ZBTB7C: variants seen among roughly 807,000 people sequenced by gnomAD.
ZBTB7C encodes zinc finger and BTB domain containing 7C.
In ZBTB7C, 8 loss-of-function variants were observed where a neutral mutation model predicts 25.7. The ratio of observed to expected loss-of-function variants is 0.31; its 90% CI spans 0.18 to 0.56. The LOEUF (loss-of-function observed/expected upper bound fraction) is 0.56, where lower values mean the gene tolerates loss of function less well. Ranked by LOEUF, ZBTB7C falls within the 20% of genes least tolerant of loss-of-function variation. ZBTB7C has a pLI of 0.91. For synonymous variants in ZBTB7C, 394 were observed against 369.0 expected (o/e 1.07, Z -0.78); for missense variants, 824 against 855.2 (o/e 0.96, Z 0.46).
intron 3 of ZBTB7C, among the ~76,000 whole-genome samples, chr18:48,158,066 A>G (rs1002231961): frequency 2.6e-5 from 4 of 152,164 alleles, no homozygotes; most frequent in Non-Finnish European, 5.9e-5. Context: ...AAGAAGGAAC[A>G]CACAGGCTGG....
intron 1 of ZBTB7C, among the ~76,000 whole-genome samples, chr18:48,378,100 G>A (rs2047562255): frequency 6.6e-6 from 1 of 152,146 alleles, no homozygotes; most frequent in Non-Finnish European, 1.5e-5. Flanking sequence ...GCAGTGAGCC[G>A]AGATCGCATC....
At chr18:48,240,913 G>A (rs920767528) in intron 2 of ZBTB7C, among the ~76,000 whole-genome samples, 1 of 151,966 alleles carries the variant, frequency 6.6e-6, no homozygotes, top group African/African-American at 2.4e-5. Flanking sequence ...TGGCAGAATG[G>A]GTAAGAATTC....
At chr18:48,208,118 G>A (rs2042622518) in intron 2 of ZBTB7C, among the ~76,000 whole-genome samples, 1 of 152,066 alleles carries the variant, frequency 6.6e-6, no homozygotes, top group African/African-American at 2.4e-5. Flanking sequence ...TATAATGAGG[G>A]TTGAGAGCTG....
chr18:48,113,340 CA>C (rs2144677753), intron 3 of ZBTB7C, among the ~76,000 whole-genome samples: 1 of 152,320 alleles, frequency 6.6e-6, no homozygotes, highest in Admixed American at 6.5e-5. Context: ...CTACCCCCAT[CA>C]CAAGGAAAAA....
chr18:48,389,884 T>G (rs1214544711), intron 1 of ZBTB7C, among the ~76,000 whole-genome samples: 4 of 152,226 alleles, frequency 2.6e-5, no homozygotes, highest in African/African-American at 7.2e-5. Context: ...CTCTCTGAAT[T>G]ATCTATTTGT....
chr18:48,044,717 C>A (rs1392797310), intron 3 of ZBTB7C, among the ~76,000 whole-genome samples: 1 of 152,244 alleles, frequency 6.6e-6, no homozygotes, highest in Non-Finnish European at 1.5e-5. Flanking sequence ...TATAACAGGA[C>A]CCATGAAACG....
At chr18:48,065,650 G>T (rs1459370701) in intron 3 of ZBTB7C, among the ~76,000 whole-genome samples, 1 of 152,224 alleles carries the variant, frequency 6.6e-6, no homozygotes, top group African/African-American at 2.4e-5. Flanking sequence ...CAAAGCCACT[G>T]GTTGGGAAGC....
intron 2 of ZBTB7C, among the ~76,000 whole-genome samples, chr18:48,304,863 A>T (rs981035086): frequency 1.1e-4 from 17 of 150,464 alleles, no homozygotes; most frequent in Non-Finnish European, 2.2e-4. Flanking sequence ...AAAAAAAAAA[A>T]GATAGCCTTG....
At chr18:48,165,988 A>C (rs985862248) in intron 3 of ZBTB7C, among the ~76,000 whole-genome samples, 1 of 152,222 alleles carries the variant, frequency 6.6e-6, no homozygotes, top group Non-Finnish European at 1.5e-5. Context: ...ACACTGCATA[A>C]TACGTTTTTC....
chr18:48,145,472 C>A (rs1292137770), intron 3 of ZBTB7C, among the ~76,000 whole-genome samples: 1 of 152,172 alleles, frequency 6.6e-6, no homozygotes. Flanking sequence ...CTCAGGGAAT[C>A]CCTGCTAAGC....
rs2036508929 is a variant in ZBTB7C at position 48,047,209 on chromosome 18, G to C, written c.-16-6086C>G. 2.0e-5 allele frequency among the ~76,000 whole-genome samples: 3 copies of C among 152,154 alleles called. No individual in the cohort carries two copies. In the South Asian group the frequency reaches 6.2e-4, roughly 32 times the overall value. The stretch of plus-strand genomic sequence containing the variant: ...CCCTAAGATTCCCATGCCCTGGTGG[G>C]CCAGTAGACAGCAGTGTCCCAAAGG... On this transcript the variant is annotated intron_variant, in intron 3 of 4. Coordinates refer to ENST00000590800, the MANE Select transcript of ZBTB7C (RefSeq NM_001318841.2).
intron 2 of ZBTB7C, among the ~76,000 whole-genome samples, chr18:48,298,479 C>T (rs1042153576): frequency 1.3e-5 from 2 of 152,082 alleles, no homozygotes; most frequent in Non-Finnish European, 2.9e-5. Flanking sequence ...ATCTTGACGC[C>T]CACCTCCACA....
At chr18:48,245,874 A>G (rs183587098) in intron 2 of ZBTB7C, among the ~76,000 whole-genome samples, 1 of 152,354 alleles carries the variant, frequency 6.6e-6, no homozygotes, top group African/African-American at 2.4e-5. Context: ...TATTTATCCA[A>G]TTAAAGAATG....
intron 3 of ZBTB7C, among the ~76,000 whole-genome samples, chr18:48,087,460 C>CTA (rs1205058706): frequency 6.6e-6 from 1 of 152,196 alleles, no homozygotes; most frequent in Non-Finnish European, 1.5e-5. Flanking sequence ...GTGATCAGAG[C>CTA]TGTGACCCTG....
intron 3 of ZBTB7C, among the ~76,000 whole-genome samples, chr18:48,170,317 C>T (rs1020922993): frequency 1.3e-5 from 2 of 152,260 alleles, no homozygotes; most frequent in Admixed American, 6.5e-5. Context: ...TCTTCCTATT[C>T]TGCAGGGGGC....
intron 3 of ZBTB7C, among the ~76,000 whole-genome samples, chr18:48,158,432 C>T (rs529781673): frequency 4.7e-4 from 72 of 152,214 alleles, no homozygotes; most frequent in African/African-American, 1.2e-3. Flanking sequence ...CCCAGCCCTG[C>T]CTCTATGGGG....
At chr18:48,276,023 G>A (rs899697674) in intron 2 of ZBTB7C, among the ~76,000 whole-genome samples, 1 of 152,124 alleles carries the variant, frequency 6.6e-6, no homozygotes, top group South Asian at 2.1e-4. Context: ...AAAGGCTGAC[G>A]GGATTTGAGG....
At chr18:48,351,702 C>T (rs2046865706) in intron 1 of ZBTB7C, among the ~76,000 whole-genome samples, 2 of 152,194 alleles carry the variant, frequency 1.3e-5, no homozygotes, top group Admixed American at 1.3e-4. Context: ...TAAGTTAAAT[C>T]ACTTATTCAG....
At chr18:48,289,979 T>C (rs1181217222) in intron 2 of ZBTB7C, among the ~76,000 whole-genome samples, 1 of 152,160 alleles carries the variant, frequency 6.6e-6, no homozygotes, top group Non-Finnish European at 1.5e-5. Flanking sequence ...TATGGATAGG[T>C]GCTTTAAGTG....
Sources: gnomAD v4.1 joint callset for allele counts (sites outside exome capture counted in the v4.1 genomes callset) on GRCh38, gnomAD v4.1.1 for gene constraint, MANE v1.5 for transcripts, NCBI Gene and HGNC (gene_info 2026-07-23, HGNC 2026-07-21) for gene names.